CCNY: variants seen among roughly 807,000 people sequenced by gnomAD.
The protein encoded by CCNY is cyclin-Y.
Under a neutral mutation model 42.8 loss-of-function variants are expected in CCNY, and 19 were observed. That is an observed-to-expected ratio of 0.44 (90% CI 0.31 to 0.65). The LOEUF (loss-of-function observed/expected upper bound fraction) is 0.65, where lower values mean the gene tolerates loss of function less well. CCNY is among the 30% of genes least tolerant of loss of function. CCNY has a pLI of 0.07. For missense variants in CCNY, 370 were observed against 437.3 expected (o/e 0.85, Z 1.37); for synonymous variants, 165 against 162.7 (o/e 1.01, Z -0.11).
intron 1 of CCNY, among the ~76,000 whole-genome samples, chr10:35,383,312 CTT>C (rs879306853): frequency 7.0e-6 from 1 of 143,566 alleles, no homozygotes; most frequent in African/African-American, 2.5e-5. Flanking sequence ...ATTTTCTTTT[CTT>C]TTTTTTTTTT....
At chr10:35,518,828 G>T (rs1477706840) in intron 4 of CCNY, among the ~76,000 whole-genome samples, 5 of 129,064 alleles carry the variant, frequency 3.9e-5, no homozygotes, top group Admixed American at 1.5e-4. Context: ...GATCTTGATT[G>T]AATCTGGCTG....
At chr10:35,367,288 G>A (rs1054921003) in intron 1 of CCNY, among the ~76,000 whole-genome samples, 4 of 152,036 alleles carry the variant, frequency 2.6e-5, no homozygotes, top group African/African-American at 9.7e-5. Flanking sequence ...TTTATAGACT[G>A]TATAGTATTC....
At position 35,398,163 on chromosome 10, in the gene CCNY, C is replaced by T. The variant is rs114826812; in HGVS notation, c.154+60956C>T. On this transcript the variant is annotated intron_variant, in intron 1 of 9. Transcript: ENST00000374704. ...ATGACCAGGAAGCCAGTGGGGGTCC[C>T]GTCTGCTGCATGAGAGCCACCCCCT... Among the ~76,000 whole-genome samples the T allele has an allele frequency of 6.8e-3, 1,033 of 152,288 alleles. 11 individuals carry two copies. The highest frequency in any genetic ancestry group is 0.024 in the African/African-American group (986 of 41,568).
intron 1 of CCNY, among the ~76,000 whole-genome samples, chr10:35,345,528 G>A (rs1223506467): frequency 1.3e-5 from 2 of 151,290 alleles, no homozygotes; most frequent in Non-Finnish European, 2.9e-5. Flanking sequence ...GGATCCAAAT[G>A]AGGCTAAAAT....
chr10:35,308,555 G>A (rs1256270747), intron 3 of CCNY, among the ~76,000 whole-genome samples: 1 of 151,994 alleles, frequency 6.6e-6, no homozygotes, highest in African/African-American at 2.4e-5. Context: ...ATGGGGAGGA[G>A]GGAAGAGGAT....
intron 1 of CCNY, among the ~76,000 whole-genome samples, chr10:35,474,469 C>T (rs1013004599): frequency 1.3e-5 from 2 of 152,216 alleles, no homozygotes; most frequent in Non-Finnish European, 1.5e-5. Context: ...CAGACTGCCT[C>T]CTCAAGTGGG....
chr10:35,271,524 C>G (rs1051839700), intron 3 of CCNY, among the ~76,000 whole-genome samples: 1 of 152,188 alleles, frequency 6.6e-6, no homozygotes, highest in African/African-American at 2.4e-5. Context: ...CTCAACAAGG[C>G]CAGCCCTCAG....
chr10:35,455,804 CTTTTTTTT>C (rs67784224), intron 1 of CCNY, among the ~76,000 whole-genome samples: 10 of 76,010 alleles, frequency 1.3e-4, no homozygotes, highest in African/African-American at 4.9e-4. Flanking sequence ...GGGATGCTTC[CTTTTTTTT>C]TTTTTTTTTT....
chr10:35,468,235 T>C (rs1177082827), intron 1 of CCNY, among the ~76,000 whole-genome samples: 1 of 152,196 alleles, frequency 6.6e-6, no homozygotes, highest in Non-Finnish European at 1.5e-5. Flanking sequence ...GGGGCCTCTT[T>C]CATAAGGGCG....
At chr10:35,303,803 G>GGGAA (rs1156638499) in intron 3 of CCNY, among the ~76,000 whole-genome samples, 2 of 142,604 alleles carry the variant, frequency 1.4e-5, no homozygotes, top group African/African-American at 2.6e-5. Flanking sequence ...AAAAAAAAGA[G>GGGAA]GGAAGGAAGG....
intron 1 of CCNY, among the ~76,000 whole-genome samples, chr10:35,474,755 G>A (rs1248929836): frequency 2.6e-5 from 4 of 152,182 alleles, no homozygotes; most frequent in Non-Finnish European, 5.9e-5. Flanking sequence ...CTCCTCCAAA[G>A]GAACGCAGCT....
intron 3 of CCNY, among the ~76,000 whole-genome samples, chr10:35,259,676 T>TG (rs1218122798): frequency 1.7e-5 from 1 of 57,862 alleles, no homozygotes; most frequent in Non-Finnish European, 3.3e-5. Context: ...CTAATTGTTT[T>TG]TTTTTTTTTT....
At chr10:35,421,274 C>T (rs1838153271) in intron 1 of CCNY, among the ~76,000 whole-genome samples, 2 of 152,160 alleles carry the variant, frequency 1.3e-5, no homozygotes, top group Non-Finnish European at 2.9e-5. Context: ...CCTTTTGTTA[C>T]CTTCTCTTCC....
intron 7 of CCNY, among the ~76,000 whole-genome samples, chr10:35,541,139 G>A (rs936470549): frequency 6.6e-6 from 1 of 151,704 alleles, no homozygotes; most frequent in African/African-American, 2.4e-5. Context: ...GGCATCTACA[G>A]TTATGAATTT....
At chr10:35,493,667 A>G (rs1260006864) in intron 2 of CCNY, among the ~76,000 whole-genome samples, 1 of 152,172 alleles carries the variant, frequency 6.6e-6, no homozygotes, top group African/African-American at 2.4e-5. Flanking sequence ...CTTAGATCCA[A>G]CACTCTCCAC....
At chr10:35,533,508 C>T (rs1394612524) in intron 7 of CCNY, among the ~76,000 whole-genome samples, 1 of 152,174 alleles carries the variant, frequency 6.6e-6, no homozygotes, top group Admixed American at 6.5e-5. Context: ...GGGACTTCTG[C>T]ACCTCAGGAC....
chr10:35,277,423 G>A (rs1835252036), intron 3 of CCNY, among the ~76,000 whole-genome samples: 2 of 152,146 alleles, frequency 1.3e-5, no homozygotes, highest in Non-Finnish European at 2.9e-5. Flanking sequence ...ATCCTGCCCA[G>A]AGACCTGCTG....
chr10:35,376,519 A>G (rs1248699791), intron 1 of CCNY, among the ~76,000 whole-genome samples: 2 of 152,224 alleles, frequency 1.3e-5, no homozygotes, highest in African/African-American at 2.4e-5. Flanking sequence ...TCCAAAATCT[A>G]AAACTTTGAG....
At chr10:35,308,281 G>A (rs553636119) in intron 3 of CCNY, among the ~76,000 whole-genome samples, 1 of 151,790 alleles carries the variant, frequency 6.6e-6, no homozygotes, top group East Asian at 2.0e-4. Context: ...GGGCACAGTG[G>A]CTCATGCATG....
Sources: gnomAD v4.1 joint callset for allele counts (sites outside exome capture counted in the v4.1 genomes callset) on GRCh38, gnomAD v4.1.1 for gene constraint, MANE v1.5 for transcripts, NCBI Gene and HGNC (gene_info 2026-07-23, HGNC 2026-07-21) for gene names.